The following CAPZB variants were observed in gnomAD, a reference collection of about 807,000 sequenced individuals.
CAPZB encodes F-actin-capping protein subunit beta.
In CAPZB, 2 loss-of-function variants were observed where a neutral mutation model predicts 38.1. The ratio of observed to expected loss-of-function variants is 0.05; its 90% CI spans 0.02 to 0.17. CAPZB has a LOEUF of 0.17. Among genes scored for constraint, CAPZB ranks in the 10% least tolerant of loss-of-function variants. The probability of loss-of-function intolerance (pLI) is 1.00; values close to 1 mark genes in which losing one functional copy is unlikely to be tolerated. For missense variants in CAPZB, 161 were observed against 334.2 expected (o/e 0.48, Z 4.04); for synonymous variants, 107 against 127.4 (o/e 0.84, Z 1.08).
At chr1:19,388,791 G>A (rs2094216910) in intron 2 of CAPZB, among the ~76,000 whole-genome samples, 1 of 152,238 alleles carries the variant, frequency 6.6e-6, no homozygotes, top group Non-Finnish European at 1.5e-5. Context: ...GTCAAACACA[G>A]TAGATGAGCT....
At chr1:19,363,403 C>T (rs2094065167) in intron 4 of CAPZB, among the ~76,000 whole-genome samples, 1 of 151,780 alleles carries the variant, frequency 6.6e-6, no homozygotes. Context: ...CGTGGATCAG[C>T]TAAAAGCCTA....
intron 1 of CAPZB, among the ~76,000 whole-genome samples, chr1:19,474,388 T>C (rs964641358): frequency 1.3e-5 from 2 of 152,134 alleles, no homozygotes; most frequent in Non-Finnish European, 2.9e-5. Context: ...GGCTGAGACA[T>C]GAAGTGACTA....
intron 4 of CAPZB, among the ~76,000 whole-genome samples, chr1:19,367,164 G>A (rs1263090728): frequency 6.6e-6 from 1 of 152,270 alleles, no homozygotes; most frequent in Non-Finnish European, 1.5e-5. Flanking sequence ...GAGAGCTGCA[G>A]ACGGCACACG....
chr1:19,461,351 G>A (rs1017811768), intron 1 of CAPZB, among the ~76,000 whole-genome samples: 61 of 152,198 alleles, frequency 4.0e-4, no homozygotes, highest in African/African-American at 1.5e-3. Flanking sequence ...ACTGAACGTT[G>A]TAGGACCAGG....
chr1:19,402,344 C>T (rs1234490562), intron 2 of CAPZB, among the ~76,000 whole-genome samples: 3 of 152,218 alleles, frequency 2.0e-5, no homozygotes. Context: ...TAGAGGCAGG[C>T]AGGCTCTTGG....
intron 1 of CAPZB, among the ~76,000 whole-genome samples, chr1:19,439,918 G>T (rs2094470212): frequency 6.6e-6 from 1 of 152,186 alleles, no homozygotes; most frequent in South Asian, 2.1e-4. Context: ...CAGGAATCAA[G>T]GCCCTAACAT....
chr1:19,360,297 G>A (rs1393042024), intron 4 of CAPZB, among the ~76,000 whole-genome samples: 3 of 152,160 alleles, frequency 2.0e-5, no homozygotes, highest in Non-Finnish European at 4.4e-5. Flanking sequence ...CGGCTTACAG[G>A]GAGAGCAGCC....
intron 2 of CAPZB, among the ~76,000 whole-genome samples, chr1:19,397,793 G>T (rs1367701340): frequency 6.6e-6 from 1 of 151,282 alleles, no homozygotes; most frequent in African/African-American, 2.4e-5. Context: ...TGAAAACTAT[G>T]AATGGGCTAC....
At chr1:19,453,339 G>A (rs372960309) in intron 1 of CAPZB, among the ~76,000 whole-genome samples, 24 of 152,190 alleles carry the variant, frequency 1.6e-4, no homozygotes, top group African/African-American at 5.1e-4. Context: ...TCGGCTCACT[G>A]CAGCCTCCAC....
chr1:19,366,305 TATATAA>T (rs143368574), intron 4 of CAPZB, among the ~76,000 whole-genome samples: 12,227 of 97,454 alleles, frequency 0.13, 1,185 homozygotes, highest in East Asian at 0.19. Flanking sequence ...TATATATATA[TATATAA>T]ATAAAATAAA....
intron 8 of CAPZB, among the ~76,000 whole-genome samples, chr1:19,341,585 G>C (rs1434913511): frequency 6.6e-6 from 1 of 152,248 alleles, no homozygotes; most frequent in African/African-American, 2.4e-5. Flanking sequence ...CTTGGAGACA[G>C]TGCTCGACTC....
At chr1:19,430,732 C>G (rs1401220100) in intron 1 of CAPZB, among the ~76,000 whole-genome samples, 1 of 152,184 alleles carries the variant, frequency 6.6e-6, no homozygotes, top group Non-Finnish European at 1.5e-5. Context: ...GCACCTGCAC[C>G]CGCACCTCAG....
At position 19,419,644 on chromosome 1, in the gene CAPZB, A is replaced by T; in HGVS notation, c.93+17T>A. 1 of 1,495,214 alleles carries T rather than the reference A, an allele frequency of 6.7e-7. No individual in the cohort carries two copies. Among genetic ancestry groups the T allele is most frequent in the Non-Finnish European group, 9.2e-7 (1 of 1,084,200 alleles). The allele number at this position is 1,495,214 out of a possible 1,614,324, so 92.6% of individuals were successfully genotyped here. On this transcript the variant is annotated intron_variant, in intron 2 of 8. Coordinates refer to ENST00000264202, the MANE Select transcript of CAPZB (RefSeq NM_004930.5). ...TAGCCGCAGTCTCAAATGGAACCAT[A>T]TGAAGGAGGCACGTACCAGGTCGAT...
chr1:19,393,280 T>C (rs2094247507), intron 2 of CAPZB, among the ~76,000 whole-genome samples: 1 of 152,222 alleles, frequency 6.6e-6, no homozygotes, highest in Admixed American at 6.5e-5. Flanking sequence ...GTGGCCAAGC[T>C]TGTTTTTGGA....
chr1:19,400,468 G>A (rs1291593453), intron 2 of CAPZB, among the ~76,000 whole-genome samples: 1 of 152,142 alleles, frequency 6.6e-6, no homozygotes, highest in African/African-American at 2.4e-5. Flanking sequence ...TTCTAAGGGG[G>A]GCGACCCAGG....
intron 8 of CAPZB, among the ~76,000 whole-genome samples, chr1:19,340,444 A>C (rs2093921779): frequency 6.6e-6 from 1 of 152,262 alleles, no homozygotes. Context: ...ACAAAGCCAG[A>C]AACAATGAAG....
intron 6 of CAPZB, among the ~76,000 whole-genome samples, chr1:19,348,339 C>T (rs74772873): frequency 6.6e-6 from 1 of 152,102 alleles, no homozygotes; most frequent in Non-Finnish European, 1.5e-5. Flanking sequence ...CTCCTGCAAT[C>T]CTCCCACACA....
chr1:19,344,525 T>TGTGCCACCCTCCA, intron 7 of CAPZB, 91 bp from the exon 8 acceptor site: 1 of 1,003,294 alleles, frequency 1.0e-6, no homozygotes, highest in Non-Finnish European at 1.6e-6. Context: ...CAGTCCCCAG[T>TGTGCCACCCTCCA]GTGGCCACTG....
intron 3 of CAPZB, among the ~76,000 whole-genome samples, chr1:19,383,108 C>T (rs2094184076): frequency 9.9e-6 from 1 of 101,020 alleles, no homozygotes; most frequent in Non-Finnish European, 2.0e-5. Context: ...ATGAGGCCCC[C>T]ATCTCTACAA....
Sources: gnomAD v4.1 joint callset for allele counts (sites outside exome capture counted in the v4.1 genomes callset) on GRCh38, gnomAD v4.1.1 for gene constraint, MANE v1.5 for transcripts, NCBI Gene and HGNC (gene_info 2026-07-23, HGNC 2026-07-21) for gene names.